Variants in GRHL1 observed in about 807,000 individuals in gnomAD.
GRHL1 encodes the protein grainyhead like transcription factor 1.
In GRHL1, 38 loss-of-function variants were observed where a neutral mutation model predicts 75.7. The observed-to-expected ratio is 0.50, with a 90% CI of 0.39 to 0.66. GRHL1 has a LOEUF of 0.66. GRHL1 is among the 30% of genes least tolerant of loss of function. The probability of loss-of-function intolerance (pLI) is 0.00; values close to 1 mark genes in which losing one functional copy is unlikely to be tolerated. For missense variants in GRHL1, 589 were observed against 767.5 expected (o/e 0.77, Z 2.75); for synonymous variants, 266 against 279.4 (o/e 0.95, Z 0.48).
intron 8 of GRHL1, among the ~76,000 whole-genome samples, chr2:9,978,084 G>A (rs569721881): frequency 3.9e-5 from 6 of 152,230 alleles, no homozygotes; most frequent in South Asian, 4.2e-4. Flanking sequence ...GGGGGAAATC[G>A]CCCCCATGAT....
chr2:9,961,032 T>C lies in GRHL1; in HGVS notation c.279-14T>C, dbSNP rs1667246415. On this transcript the variant is annotated splice_polypyrimidine_tract_variant and intron_variant, in intron 3 of 15. Transcript: ENST00000324907. ...ATCAGCATCGCGTTTGAAAGCAGTT[T>C]TCTTTTCTTAAAGAAACAGCATACC... is the stretch of plus-strand genomic sequence containing the variant. The C allele has an allele frequency of 3.3e-6, 5 of 1,520,806 alleles. No individual in the cohort carries two copies. The highest frequency in any genetic ancestry group is 2.2e-5 in the Admixed American group (1 of 45,498). The allele number at this position is 1,520,806 out of a possible 1,614,324, so 94.2% of individuals were successfully genotyped here.
chr2:9,962,118 T>C (rs577641319), intron 4 of GRHL1, among the ~76,000 whole-genome samples: 1 of 152,228 alleles, frequency 6.6e-6, no homozygotes, highest in African/African-American at 2.4e-5. Flanking sequence ...AATGATAGGG[T>C]GACTTTTAAA....
intron 8 of GRHL1, among the ~76,000 whole-genome samples, chr2:9,985,075 A>G (rs1000608833): frequency 1.3e-5 from 2 of 152,020 alleles, no homozygotes; most frequent in Admixed American, 6.5e-5. Context: ...CAAAAAAAAA[A>G]AAAAAAATTG....
intron 1 of GRHL1, chr2:9,952,844 T>G (rs1341313123): frequency 9.3e-6 from 3 of 321,926 alleles, no homozygotes; most frequent in Admixed American, 4.1e-5. Context: ...CAGTGTGTTC[T>G]TTTTCTGGAT....
chr2:9,988,316 G>A (rs115097223), intron 9 of GRHL1, among the ~76,000 whole-genome samples: 4,011 of 152,294 alleles, frequency 0.026, 176 homozygotes, highest in African/African-American at 0.091. Flanking sequence ...CAAGTGCCCT[G>A]CTCATTACAA....
intron 1 of GRHL1, among the ~76,000 whole-genome samples, chr2:9,952,299 A>G (rs1666823365): frequency 6.6e-6 from 1 of 152,178 alleles, no homozygotes; most frequent in South Asian, 2.1e-4. Context: ...TCTCCAGGTA[A>G]TCTGTGGTCT....
intron 8 of GRHL1, among the ~76,000 whole-genome samples, chr2:9,982,008 T>C (rs1311424440): frequency 6.6e-6 from 1 of 152,234 alleles, no homozygotes; most frequent in East Asian, 1.9e-4. Flanking sequence ...TGTGTGTACT[T>C]GTTTATTTTT....
chr2:10,000,423 G>C (rs929532438), intron 15 of GRHL1, among the ~76,000 whole-genome samples, 170 bp from the exon 16 acceptor site: 9 of 152,110 alleles, frequency 5.9e-5, no homozygotes, highest in Non-Finnish European at 1.2e-4. Context: ...TATAAGATGG[G>C]TACTATTATT....
At position 9,964,174 on chromosome 2, in the gene GRHL1, C is replaced by A. The variant is rs113500799; in HGVS notation, c.904-61C>A. The stretch of plus-strand genomic sequence containing the variant: ...TCACTGTAAAATATAGTACTAAATA[C>A]GTTTTCCAAAACATACTCACCCTTT... On this transcript the variant is annotated intron_variant, in intron 6 of 15. Coordinates refer to ENST00000324907, the MANE Select transcript of GRHL1 (RefSeq NM_198182.3). 3.0e-6 allele frequency: 4 copies of A among 1,327,422 alleles called. No individual in the cohort carries two copies. In the Admixed American group the frequency reaches 7.4e-5, roughly 25 times the overall value. 82.2% of individuals were successfully genotyped at this position (1,327,422 alleles called of 1,614,324 possible).
rs1430621 is a variant in GRHL1 at position 9,990,950 on chromosome 2, C to A, written c.1321+203C>A. On this transcript the variant is annotated intron_variant, in intron 10 of 15. Transcript: ENST00000324907. The surrounding 1 kb of genome is among the most constrained non-coding windows in gnomAD (Gnocchi z 4.2). The stretch of plus-strand genomic sequence containing the variant: ...TCAGCGGGAGGGGTTTTCCTGGGGA[C>A]TACAGGATAGATCCCTGGGTTTTCC... 0.24 allele frequency among the ~76,000 whole-genome samples: 36,070 copies of A among 152,054 alleles called. 4,517 individuals are homozygous for A. Among genetic ancestry groups the A allele is most frequent in the Admixed American group, 0.34 (5,126 of 15,284 alleles).
intron 15 of GRHL1, 28 bp from the exon 16 acceptor site, chr2:10,000,565 T>C (rs369171686): frequency 1.5e-6 from 2 of 1,322,906 alleles, no homozygotes; most frequent in Non-Finnish European, 2.2e-6. Context: ...GGCAGTGAAG[T>C]TGGTTGGTCT....
chr2:9,955,197 A>G (rs764811064), intron 2 of GRHL1, 96 bp downstream of exon 2: 21 of 793,408 alleles, frequency 2.6e-5, no homozygotes, highest in Non-Finnish European at 4.0e-5. Context: ...ATGCCATGCA[A>G]GTTGCTTCTG....
intron 8 of GRHL1, among the ~76,000 whole-genome samples, chr2:9,978,396 C>T (rs561537367): frequency 3.3e-5 from 5 of 152,086 alleles, no homozygotes; most frequent in South Asian, 4.2e-4. Context: ...TGTCAGTAGA[C>T]GATGGAGGAA....
chr2:9,985,948 A>C (rs920938703), intron 8 of GRHL1, among the ~76,000 whole-genome samples, 176 bp from the exon 9 acceptor site: 14 of 152,192 alleles, frequency 9.2e-5, no homozygotes, highest in African/African-American at 3.1e-4. Flanking sequence ...GACCAAAAGC[A>C]GTTTTAAAAT....
In GRHL1 at chr2:9,998,889, C is replaced by CGT. The variant is rs1553307433; in HGVS notation, c.1678-76_1678-75insGT. The stretch of plus-strand genomic sequence containing the variant: ...GTATATATATGTACACATATATATA[C>CGT]ATATATATATATTTGTTGTTTGGTT... On this transcript the variant is annotated intron_variant, in intron 14 of 15. Transcript: ENST00000324907. The CGT allele has an allele frequency of 7.3e-3, 1,029 of 141,482 alleles. 145 individuals carry two copies. Among genetic ancestry groups the CGT allele is most frequent in the African/African-American group, 0.025 (152 of 6,174 alleles). The allele number at this position is 141,482 out of a possible 1,614,324, so 8.8% of individuals were successfully genotyped here.
At chr2:9,957,891 C>T (rs1193051286) in intron 2 of GRHL1, among the ~76,000 whole-genome samples, 1 of 152,028 alleles carries the variant, frequency 6.6e-6, no homozygotes, top group East Asian at 1.9e-4. Context: ...AAGAAAAGAA[C>T]CAAAAAAGGA....
At chr2:9,970,721 A>G (rs1558299705) in intron 8 of GRHL1, among the ~76,000 whole-genome samples, 1 of 152,186 alleles carries the variant, frequency 6.6e-6, no homozygotes, top group Non-Finnish European at 1.5e-5. Flanking sequence ...TCCCTGGGGG[A>G]AGAAAACCCT....
chr2:9,985,154 T>A (rs1322038247), intron 8 of GRHL1, among the ~76,000 whole-genome samples: 1 of 152,112 alleles, frequency 6.6e-6, no homozygotes, highest in Non-Finnish European at 1.5e-5. Flanking sequence ...GTTGAGAAGC[T>A]CAAAGTCTGG....
chr2:9,983,525 T>C (rs1668287296), intron 8 of GRHL1, among the ~76,000 whole-genome samples: 1 of 152,092 alleles, frequency 6.6e-6, no homozygotes, highest in Non-Finnish European at 1.5e-5. Flanking sequence ...CATTTCTTTT[T>C]TGAATAGAAA....
Sources: allele counts gnomAD v4.1 joint callset (sites outside exome capture counted in the v4.1 genomes callset), GRCh38; gene constraint gnomAD v4.1.1; non-coding constraint Gnocchi (gnomAD v3.1); transcripts MANE v1.5; gene names NCBI Gene and HGNC (gene_info 2026-07-23, HGNC 2026-07-21).